The following SATL1 variants were observed in gnomAD, a reference collection of about 807,000 sequenced individuals.
SATL1 encodes the protein spermidine/spermine N1-acetyl transferase like 1.
SATL1 carries 47 observed loss-of-function variants against 51.8 expected under a neutral mutation model. That is an observed-to-expected ratio of 0.91 (90% confidence interval 0.72 to 1.16). The LOEUF is 1.16. SATL1 is among the 50% of genes most tolerant of loss of function. The pLI is 0.00. For synonymous variants in SATL1, 176 were observed against 182.4 expected, an observed-to-expected ratio of 0.97 and a Z score of 0.28; for missense variants, 520 against 526.4, an observed-to-expected ratio of 0.99 and a Z score of 0.12.
intron 2 of SATL1, among the ~76,000 whole-genome samples, chrX:85,201,712 C>T (rs766376437): frequency 7.2e-5 from 8 of 111,390 alleles, no homozygotes; most frequent in South Asian, 3.8e-4. Context: ...TGAGAACATG[C>T]GGTATTTGGT....
chrX:85,220,172 ACT>A (rs1372050579), intron 2 of SATL1, among the ~76,000 whole-genome samples: 1 of 109,680 alleles, frequency 9.1e-6, no homozygotes, highest in Non-Finnish European at 1.9e-5. Context: ...ACAGAATAAA[ACT>A]CAGCTGACAC....
intron 2 of SATL1, among the ~76,000 whole-genome samples, chrX:85,220,941 G>A (rs936197966): frequency 9.0e-6 from 1 of 110,807 alleles, no homozygotes; most frequent in African/African-American, 3.3e-5. Flanking sequence ...CACTATCATC[G>A]TCTGAAATAC....
chrX:85,110,005 C>T (rs191674181), intron 2 of SATL1, among the ~76,000 whole-genome samples: 75 of 111,503 alleles, frequency 6.7e-4, no homozygotes, highest in African/African-American at 2.4e-3. Context: ...AGTGAAACTC[C>T]GTCTCAAAAA....
chrX:85,130,402 C>G (rs1034973486), intron 2 of SATL1, among the ~76,000 whole-genome samples: 2 of 111,622 alleles, frequency 1.8e-5, no homozygotes, highest in Non-Finnish European at 3.8e-5. Context: ...GGAATTTATC[C>G]ATTTCTTCTA....
chrX:85,243,201 T>G (rs1282145010), intron 1 of SATL1, among the ~76,000 whole-genome samples: 4 of 112,892 alleles, frequency 3.5e-5, no homozygotes, highest in Non-Finnish European at 7.5e-5. Context: ...TTTAGGATCC[T>G]ATCCTTTCCC....
chrX:85,136,896 G>A (rs1255263196), intron 2 of SATL1, among the ~76,000 whole-genome samples: 1 of 111,688 alleles, frequency 9.0e-6, no homozygotes, highest in Non-Finnish European at 1.9e-5. Context: ...CCAACAGGCT[G>A]TGCTATAAAG....
intron 2 of SATL1, among the ~76,000 whole-genome samples, chrX:85,144,304 A>G (rs1926179425): frequency 8.9e-6 from 1 of 111,895 alleles, no homozygotes; most frequent in Non-Finnish European, 1.9e-5. Flanking sequence ...CAATATGTTT[A>G]TGTAGTAGAA....
intron 2 of SATL1, among the ~76,000 whole-genome samples, chrX:85,174,013 A>G (rs1425780495): frequency 9.5e-6 from 1 of 105,265 alleles, no homozygotes; most frequent in Non-Finnish European, 1.9e-5. Flanking sequence ...ATGAGTGAGA[A>G]CATGCGGTGT....
intron 2 of SATL1, among the ~76,000 whole-genome samples, chrX:85,126,711 T>C (rs1925635485): frequency 9.0e-6 from 1 of 111,138 alleles, no homozygotes; most frequent in Non-Finnish European, 1.9e-5. Context: ...CCACATCTTA[T>C]CAAAATTTTG....
Position 85,108,999 on chromosome X carries a change from G to A in SATL1, c.-31C>T. The A allele has an allele frequency of 8.6e-7, 1 of 1,157,268 alleles. No individual in the cohort carries two copies. The highest frequency in any genetic ancestry group is 1.2e-6 in the Non-Finnish European group (1 of 860,594). On this transcript the variant is annotated 5_prime_UTR_variant, in exon 3 of 8. Transcript: ENST00000644105. ...GTTGATTCCTGCTTTGTTGACTAAG[G>A]ATGGGGTGGCAGATGATGGGTTGGC...
chrX:85,182,639 A>C (rs186727706), intron 2 of SATL1, among the ~76,000 whole-genome samples: 1 of 111,663 alleles, frequency 9.0e-6, no homozygotes, highest in Non-Finnish European at 1.9e-5. Context: ...TTCTATTTTT[A>C]GTTTTTTGAG....
At chrX:85,224,917 A>G (rs752235026) in intron 1 of SATL1, among the ~76,000 whole-genome samples, 144 of 111,507 alleles carry the variant, frequency 1.3e-3, no homozygotes, top group African/African-American at 4.4e-3. Flanking sequence ...TGAAACATCC[A>G]TACAATGTAA....
intron 2 of SATL1, among the ~76,000 whole-genome samples, chrX:85,161,101 G>A (rs1024394495): frequency 3.6e-5 from 4 of 111,732 alleles, no homozygotes; most frequent in Admixed American, 2.9e-4. Flanking sequence ...ATTCTTTTCA[G>A]ATAAGCAAAT....
intron 3 of SATL1, among the ~76,000 whole-genome samples, chrX:85,106,532 C>T (rs1169296929): frequency 1.8e-5 from 2 of 111,922 alleles, no homozygotes. Context: ...CAATCTATGC[C>T]TTGCTCCAGC....
chrX:85,164,233 A>G (rs1300007775), intron 2 of SATL1, among the ~76,000 whole-genome samples: 1 of 111,888 alleles, frequency 8.9e-6, no homozygotes, highest in Non-Finnish European at 1.9e-5. Context: ...GGCCATTTAC[A>G]TTCAACATTA....
chrX:85,110,574 GAAGTC>G (rs1302902082), intron 2 of SATL1, among the ~76,000 whole-genome samples: 2 of 111,197 alleles, frequency 1.8e-5, no homozygotes, highest in Non-Finnish European at 3.8e-5. Flanking sequence ...CAATAAACTG[GAAGTC>G]AAGTTAACTC....
intron 2 of SATL1, among the ~76,000 whole-genome samples, chrX:85,132,646 C>T (rs1424884103): frequency 8.9e-6 from 1 of 111,939 alleles, no homozygotes; most frequent in Non-Finnish European, 1.9e-5. Flanking sequence ...CTGAAGCCTA[C>T]TTCTGTCAAC....
chrX:85,184,849 G>T (rs1018050532), intron 2 of SATL1, among the ~76,000 whole-genome samples: 1 of 111,904 alleles, frequency 8.9e-6, no homozygotes, highest in African/African-American at 3.2e-5. Flanking sequence ...TAGTTCATCT[G>T]GTGAAGTCTT....
intron 6 of SATL1, 79 bp downstream of exon 6, chrX:85,094,044 TGTATA>T (rs767285568): frequency 4.0e-6 from 2 of 494,461 alleles, no homozygotes; most frequent in Non-Finnish European, 7.1e-6. Context: ...AAACACCGTA[TGTATA>T]GTAAAGCCCT....
Sources: gnomAD v4.1 joint callset for allele counts (sites outside exome capture counted in the v4.1 genomes callset) on GRCh38, gnomAD v4.1.1 for gene constraint, MANE v1.5 for transcripts, NCBI Gene and HGNC (gene_info 2026-07-23, HGNC 2026-07-21) for gene names.